DPP6: variants seen among roughly 807,000 people sequenced by gnomAD.
DPP6 encodes dipeptidyl peptidase like 6.
DPP6 carries 69 observed loss-of-function variants against 122.6 expected under a neutral mutation model. That is an observed-to-expected ratio of 0.56 (90% CI 0.46 to 0.69). DPP6 has a LOEUF of 0.69. Among genes scored for constraint, DPP6 ranks in the 30% least tolerant of loss-of-function variants. DPP6 has a pLI of 0.00. For missense variants in DPP6, 928 were observed against 1,116.9 expected (o/e 0.83, Z 2.41); for synonymous variants, 418 against 433.1 (o/e 0.97, Z 0.43).
chr7:154,232,819 C>T (rs1240676413), intron 1 of DPP6, among the ~76,000 whole-genome samples: 1 of 152,088 alleles, frequency 6.6e-6, no homozygotes, highest in East Asian at 1.9e-4. Flanking sequence ...CAGGGAGAAG[C>T]CAAAAGTCAG....
chr7:154,889,478 C>T lies in DPP6; in HGVS notation c.2399C>T (p.Thr800Ile), dbSNP rs1484983715. ...ACAGAAAAAATTCATTTCCAGCACA[C>T]AGCAGAACTCATTACACAACTAATT... ...TADEKIHFQH[T>I]AELITQLIRG... Residue 800 changes from threonine (T) to isoleucine (I), a missense_variant, in exon 25 of 26, where the codon ACA becomes ATA. Transcript: ENST00000377770. 6.3e-7 allele frequency: 1 copy of T among 1,598,662 alleles called. No individual in the cohort carries two copies. The highest frequency in any genetic ancestry group is 1.4e-5 in the African/African-American group (1 of 72,442).
At chr7:154,260,511 C>A (rs1802942477) in intron 1 of DPP6, among the ~76,000 whole-genome samples, 2 of 151,804 alleles carry the variant, frequency 1.3e-5, no homozygotes, top group African/African-American at 4.8e-5. Context: ...CCTTTGCATC[C>A]TCATAGCTTA....
At chr7:154,619,707 A>T (rs891572884) in intron 5 of DPP6, among the ~76,000 whole-genome samples, 4 of 152,248 alleles carry the variant, frequency 2.6e-5, no homozygotes, top group Non-Finnish European at 5.9e-5. Flanking sequence ...GTGCAGAAAC[A>T]TAGATGTGTA....
At chr7:154,759,161 C>T (rs1283891391) in intron 8 of DPP6, among the ~76,000 whole-genome samples, 2 of 152,218 alleles carry the variant, frequency 1.3e-5, no homozygotes, top group Middle Eastern at 3.2e-3. Context: ...CCCCTCGCCA[C>T]CACCCCGCAG....
At chr7:154,305,038 CCCA>C (rs1178506383) in intron 1 of DPP6, 8 of 20,908 alleles carry the variant, frequency 3.8e-4, no homozygotes, top group Non-Finnish European at 7.6e-4. Context: ...CAGCCCCAGC[CCCA>C]GCCCCAGCCC....
chr7:154,011,825 A>G (rs1443205946), intron 1 of DPP6, among the ~76,000 whole-genome samples: 1 of 152,212 alleles, frequency 6.6e-6, no homozygotes, highest in Non-Finnish European at 1.5e-5. Context: ...TATCGAATCC[A>G]TTCTTCATTT....
chr7:154,353,812 T>C (rs191166713), intron 1 of DPP6, among the ~76,000 whole-genome samples: 14 of 152,352 alleles, frequency 9.2e-5, no homozygotes, highest in Admixed American at 8.5e-4. Context: ...GGCAGGCAAG[T>C]GTCTGTGGCT....
chr7:154,069,753 TA>T (rs1802983577), intron 1 of DPP6, among the ~76,000 whole-genome samples: 1 of 145,474 alleles, frequency 6.9e-6, no homozygotes, highest in South Asian at 2.3e-4. Context: ...TTGGACAACT[TA>T]AAAAAAGAAC....
intron 12 of DPP6, among the ~76,000 whole-genome samples, chr7:154,798,292 C>G (rs1254003186): frequency 6.6e-6 from 1 of 152,152 alleles, no homozygotes; most frequent in Non-Finnish European, 1.5e-5. Flanking sequence ...GAGCCGAGGT[C>G]GTCAGCAGGA....
chr7:153,897,841 G>A (rs12672305), intron 1 of DPP6, among the ~76,000 whole-genome samples: 34,730 of 152,044 alleles, frequency 0.23, 4,020 homozygotes, highest in African/African-American at 0.27. Context: ...CACCAGCAGT[G>A]CACAAGTGTT....
chr7:153,751,463 AAAG>A, the DPP6 span, among the ~76,000 whole-genome samples: 1 of 142,808 alleles, frequency 7.0e-6, no homozygotes, highest in Non-Finnish European at 1.5e-5. Context: ...TAGAATTTGG[AAAG>A]AAGAGGTCCT....
intron 10 of DPP6, among the ~76,000 whole-genome samples, chr7:154,779,064 C>T (rs1796823502): frequency 1.5e-5 from 1 of 68,818 alleles, no homozygotes; most frequent in African/African-American, 5.3e-5. Context: ...ACCATCACCA[C>T]CATCACCTCC....
At chr7:154,664,575 C>T (rs915367014) in intron 6 of DPP6, among the ~76,000 whole-genome samples, 8 of 151,792 alleles carry the variant, frequency 5.3e-5, no homozygotes, top group Non-Finnish European at 8.8e-5. Flanking sequence ...AGCCACCTCT[C>T]GAACCTACCT....
intron 1 of DPP6, among the ~76,000 whole-genome samples, chr7:154,063,589 C>A (rs1328445585): frequency 2.4e-5 from 3 of 124,012 alleles, no homozygotes; most frequent in African/African-American, 5.9e-5. Flanking sequence ...GCTGATAGTA[C>A]CCCCATCGCA....
chr7:154,265,063 G>C (rs62650447), intron 1 of DPP6, among the ~76,000 whole-genome samples: 97,324 of 98,724 alleles, frequency 0.99, 47,972 homozygotes, highest in East Asian at 0.99. Context: ...TGATCATGAT[G>C]GTGTTAATGG....
chr7:154,295,318 A>G (rs1805467345), intron 1 of DPP6, among the ~76,000 whole-genome samples: 1 of 152,192 alleles, frequency 6.6e-6, no homozygotes, highest in South Asian at 2.1e-4. Context: ...AATCACTCAG[A>G]CTGAGAGTTA....
chr7:153,836,414 C>A, the DPP6 span, among the ~76,000 whole-genome samples: 2 of 152,144 alleles, frequency 1.3e-5, no homozygotes, highest in African/African-American at 4.8e-5. Flanking sequence ...ACTTTAGTAT[C>A]TAATATAGCA....
intron 1 of DPP6, among the ~76,000 whole-genome samples, chr7:154,351,119 A>G (rs1473970081): frequency 2.6e-5 from 4 of 152,254 alleles, no homozygotes; most frequent in Non-Finnish European, 4.4e-5. Flanking sequence ...GCAAGCAGCT[A>G]TCAGAAAGTG....
At chr7:154,365,725 G>A (rs1039663490) in intron 1 of DPP6, among the ~76,000 whole-genome samples, 33 of 152,060 alleles carry the variant, frequency 2.2e-4, no homozygotes, top group African/African-American at 6.3e-4. Context: ...AGGCCGAGGC[G>A]GGCGGATCAC....
Sources: gnomAD v4.1 joint callset for allele counts (sites outside exome capture counted in the v4.1 genomes callset) on GRCh38, gnomAD v4.1.1 for gene constraint, MANE v1.5 for transcripts, NCBI Gene and HGNC (gene_info 2026-07-23, HGNC 2026-07-21) for gene names.